PLA2G4A: variants seen among roughly 807,000 people sequenced by gnomAD.
The protein encoded by PLA2G4A is phospholipase A2 group IVA, also known as cytosolic phospholipase A2.
In PLA2G4A, 40 loss-of-function variants were observed where a neutral mutation model predicts 81.9. That is an observed-to-expected ratio of 0.49 (90% CI 0.38 to 0.64). The LOEUF (loss-of-function observed/expected upper bound fraction) is 0.64, where lower values mean the gene tolerates loss of function less well. Ranked by LOEUF, PLA2G4A falls within the 30% of genes least tolerant of loss-of-function variation. The pLI is 0.00. For synonymous variants in PLA2G4A, 302 were observed against 296.9 expected, an observed-to-expected ratio of 1.02 and a Z score of -0.18; for missense variants, 715 against 905.1, an observed-to-expected ratio of 0.79 and a Z score of 2.69.
chr1:186,892,322 G>T (rs1462194629), intron 3 of PLA2G4A, among the ~76,000 whole-genome samples: 1 of 151,850 alleles, frequency 6.6e-6, no homozygotes, highest in African/African-American at 2.4e-5. Context: ...GCCCATTTTT[G>T]CTTTGGTTGT....
At chr1:186,972,968 T>G (rs12353945) in intron 15 of PLA2G4A, among the ~76,000 whole-genome samples, 38,071 of 152,108 alleles carry the variant, frequency 0.25, 4,966 homozygotes, top group African/African-American at 0.29. Flanking sequence ...TCACTTATAA[T>G]GCTTAGGTTG....
At chr1:186,939,405 A>G (rs1042916761) in intron 9 of PLA2G4A, among the ~76,000 whole-genome samples, 175 bp downstream of exon 9, 12 of 151,772 alleles carry the variant, frequency 7.9e-5, no homozygotes, top group Non-Finnish European at 1.8e-4. Context: ...TAATTCTTCT[A>G]CCTTTCAAAC....
At chr1:186,983,201 A>G (rs12072973) in intron 17 of PLA2G4A, among the ~76,000 whole-genome samples, 60,057 of 152,060 alleles carry the variant, frequency 0.39, 14,179 homozygotes, top group East Asian at 0.59. Context: ...TAACTCTCTC[A>G]TTCCCACACC....
chr1:186,979,529 C>T, intron 17 of PLA2G4A, 57 bp downstream of exon 17: 1 of 1,038,286 alleles, frequency 9.6e-7, no homozygotes, highest in Non-Finnish European at 1.5e-6. Flanking sequence ...CGTATAAATA[C>T]ACCAATACCT....
chr1:186,952,104 G>A (rs10798074), intron 13 of PLA2G4A, among the ~76,000 whole-genome samples: 145,862 of 152,260 alleles, frequency 0.96, 69,911 homozygotes, highest in East Asian at 1. Context: ...AATGAAGGAA[G>A]CTAGCTATTG....
At chr1:186,917,566 C>T (rs1379343873) in intron 7 of PLA2G4A, among the ~76,000 whole-genome samples, 1 of 152,162 alleles carries the variant, frequency 6.6e-6, no homozygotes, top group Non-Finnish European at 1.5e-5. Flanking sequence ...CCAAGTGATT[C>T]CTAATGCCTT....
At chr1:186,963,783 G>A (rs187462357) in intron 14 of PLA2G4A, among the ~76,000 whole-genome samples, 81 of 152,224 alleles carry the variant, frequency 5.3e-4, no homozygotes, top group African/African-American at 1.8e-3. Context: ...ACTGTAGAAC[G>A]TTGGATATTA....
chr1:186,955,733 CCTT>C (rs1393640184), intron 13 of PLA2G4A, among the ~76,000 whole-genome samples: 1 of 28,844 alleles, frequency 3.5e-5, no homozygotes, highest in Non-Finnish European at 5.9e-5. Flanking sequence ...AAAGAAGATC[CCTT>C]TTTTTTTTTT....
At chr1:186,941,782 A>C (rs950032671) in intron 10 of PLA2G4A, among the ~76,000 whole-genome samples, 2 of 152,174 alleles carry the variant, frequency 1.3e-5, no homozygotes, top group African/African-American at 4.8e-5. Context: ...CTGTTTGGAA[A>C]ATTTACAATA....
chr1:186,884,974 T>G (rs1653881565), intron 3 of PLA2G4A, among the ~76,000 whole-genome samples: 1 of 150,850 alleles, frequency 6.6e-6, no homozygotes, highest in Non-Finnish European at 1.5e-5. Flanking sequence ...TGCATCTAGG[T>G]AGGTTGGAGG....
At chr1:186,852,088 T>C (rs1169154451) in intron 1 of PLA2G4A, among the ~76,000 whole-genome samples, 1 of 152,016 alleles carries the variant, frequency 6.6e-6, no homozygotes, top group Non-Finnish European at 1.5e-5. Flanking sequence ...ATCCTATCAT[T>C]CATTCATTAT....
rs1000415683 is a variant in PLA2G4A at position 186,964,394 on chromosome 1, C to T, written c.1580-1015C>T. On this transcript the variant is annotated intron_variant, in intron 14 of 17. Transcript: ENST00000367466. The stretch of plus-strand genomic sequence containing the variant: ...TCATAAAATTGATGATCTCTAGGTC[C>T]TCTTTTTCTTCAGACCCCTTGCCAT... 1.6e-3 allele frequency among the ~76,000 whole-genome samples: 245 copies of T among 152,254 alleles called. 1 individual carries two copies. Among genetic ancestry groups the T allele is most frequent in the African/African-American group, 5.6e-3 (233 of 41,544 alleles).
intron 6 of PLA2G4A, 148 bp from the exon 7 acceptor site, chr1:186,911,100 C>T (rs1029821633): frequency 5.4e-6 from 4 of 736,836 alleles, no homozygotes; most frequent in Non-Finnish European, 7.4e-6. Context: ...ATTTTATCCT[C>T]TTATTTTAGG....
chr1:186,969,236 TTC>T (rs1657255821), intron 15 of PLA2G4A, among the ~76,000 whole-genome samples: 1 of 148,648 alleles, frequency 6.7e-6, no homozygotes, highest in South Asian at 2.1e-4. Context: ...TCACTGTATT[TTC>T]TCTTTTTCAT....
At chr1:186,957,544 C>G (rs6425064) in intron 14 of PLA2G4A, among the ~76,000 whole-genome samples, 145,956 of 152,352 alleles carry the variant, frequency 0.96, 69,961 homozygotes, top group East Asian at 1. Flanking sequence ...CAGGAGAACT[C>G]GAGCTGCAAG....
intron 2 of PLA2G4A, among the ~76,000 whole-genome samples, chr1:186,858,662 G>T (rs530463454): frequency 1.2e-4 from 18 of 152,086 alleles, no homozygotes; most frequent in African/African-American, 3.4e-4. Context: ...TGAAAATTTT[G>T]TTAACTATAG....
At chr1:186,966,570 A>G (rs1206510725) in intron 15 of PLA2G4A, among the ~76,000 whole-genome samples, 2 of 152,208 alleles carry the variant, frequency 1.3e-5, no homozygotes, top group East Asian at 3.8e-4. Context: ...GGAGTCAGGC[A>G]TGTGGGGTAA....
In PLA2G4A at chr1:186,925,698, A is replaced by C. The variant is rs531738687; in HGVS notation, c.559-7065A>C. On this transcript the variant is annotated intron_variant, in intron 7 of 17. Coordinates refer to ENST00000367466, the MANE Select transcript of PLA2G4A (RefSeq NM_024420.3). ...CTCCCAAGTCATCTCCTCCCTCTTT[A>C]CCCCTAAGTCTAAGCTAGTTCTCTC... 3.3e-5 allele frequency among the ~76,000 whole-genome samples: 5 copies of C among 151,968 alleles called. No homozygotes were observed. In the South Asian group the frequency reaches 1.0e-3, roughly 32 times the overall value.
At chr1:186,864,683 G>A (rs1278144572) in intron 2 of PLA2G4A, among the ~76,000 whole-genome samples, 2 of 144,732 alleles carry the variant, frequency 1.4e-5, no homozygotes, top group East Asian at 2.0e-4. Flanking sequence ...TTGTTATTGA[G>A]TTGAGTTCCT....
Sources: gnomAD v4.1 joint callset for allele counts (sites outside exome capture counted in the v4.1 genomes callset) on GRCh38, gnomAD v4.1.1 for gene constraint, MANE v1.5 for transcripts, NCBI Gene and HGNC (gene_info 2026-07-23, HGNC 2026-07-21) for gene names.